The following SLC4A4 variants were observed in gnomAD, a reference collection of about 807,000 sequenced individuals.
The protein encoded by SLC4A4 is electrogenic sodium bicarbonate cotransporter 1.
A neutral mutation model predicts 111.5 loss-of-function variants in SLC4A4; 27 were observed. The observed-to-expected ratio is 0.24, with a 90% CI of 0.18 to 0.33. SLC4A4 has a LOEUF of 0.33. Among genes scored for constraint, SLC4A4 ranks in the 10% least tolerant of loss-of-function variants. SLC4A4 has a pLI of 1.00. For synonymous variants in SLC4A4, 443 were observed against 463.4 expected, an observed-to-expected ratio of 0.96 and a Z score of 0.57; for missense variants, 909 against 1,315.5, an observed-to-expected ratio of 0.69 and a Z score of 4.78.
intron 20 of SLC4A4, among the ~76,000 whole-genome samples, chr4:71,553,338 G>T (rs1416228949): frequency 6.6e-6 from 1 of 151,774 alleles, no homozygotes; most frequent in Non-Finnish European, 1.5e-5. Flanking sequence ...ACAGAGAATG[G>T]AACTAAGCAC....
intron 2 of SLC4A4, among the ~76,000 whole-genome samples, chr4:71,173,410 C>T (rs1312231729): frequency 5.3e-5 from 8 of 152,038 alleles, no homozygotes; most frequent in African/African-American, 1.9e-4. Flanking sequence ...GAAATGGAGT[C>T]TCCTCTGTCA....
intron 2 of SLC4A4, among the ~76,000 whole-genome samples, chr4:71,142,886 T>A (rs1447202762): frequency 6.6e-6 from 1 of 151,668 alleles, no homozygotes; most frequent in Non-Finnish European, 1.5e-5. Context: ...TCCTCCCACC[T>A]TTCCAAAGAA....
Position 71,080,699 on chromosome 4 carries a change from T to C in SLC4A4, c.-64-12031T>C, listed in dbSNP as rs146690374. Reference sequence around the variant, plus strand: ...GTTCTGGGGTGAGTTGTGAGCACTTTTAGACTTGAGGCTAACTCTGGTGAC... The same window carrying C: ...GTTCTGGGGTGAGTTGTGAGCACTTCTAGACTTGAGGCTAACTCTGGTGAC... On this transcript the variant is annotated intron_variant, in intron 1 of 26. Transcript: ENST00000649996. Among the ~76,000 whole-genome samples the C allele has an allele frequency of 7.6e-4, 116 of 152,164 alleles. 1 individual carries two copies. Among genetic ancestry groups the C allele is most frequent in the East Asian group, 6.2e-3 (32 of 5,178 alleles).
chr4:71,180,253 AG>A (rs1745245503), intron 2 of SLC4A4, among the ~76,000 whole-genome samples: 1 of 152,232 alleles, frequency 6.6e-6, no homozygotes, highest in Non-Finnish European at 1.5e-5. Context: ...AAACCCTGGA[AG>A]AAAACCTAGG....
chr4:71,282,078 T>TA (rs374948120), intron 3 of SLC4A4, among the ~76,000 whole-genome samples: 3 of 151,792 alleles, frequency 2.0e-5, no homozygotes, highest in African/African-American at 4.8e-5. Flanking sequence ...TGAACCCTGT[T>TA]AAAAAAAACC....
rs376430741 is a variant in SLC4A4 at position 71,125,926 on chromosome 4, A to G, written c.-2+33134A>G. 7.5e-4 allele frequency among the ~76,000 whole-genome samples: 115 copies of G among 152,346 alleles called. 1 individual carries two copies. In the Middle Eastern group the frequency reaches 0.01, roughly 14 times the overall value. ...AGGAAATACTACAAACACAGGATCC[A>G]AAAAAGTAGCAATATTCTTATAAAT... is the stretch of plus-strand genomic sequence containing the variant. On this transcript the variant is annotated intron_variant, in intron 2 of 26. Transcript: ENST00000649996.
At chr4:71,374,571 CAT>C (rs1578950052) in intron 6 of SLC4A4, among the ~76,000 whole-genome samples, 1 of 152,232 alleles carries the variant, frequency 6.6e-6, no homozygotes, top group African/African-American at 2.4e-5. Flanking sequence ...TTATGAAAAA[CAT>C]ATCATAAATT....
rs201028024 is a variant in SLC4A4, at chr4:71,331,294, C to T, written c.254-8076C>T. ...GACACATGCACACGTATGTTTATTG[C>T]GGCACTATTCGTAATAGCAAAGACT... On this transcript the variant is annotated intron_variant, in intron 3 of 25. Coordinates refer to ENST00000264485, the MANE Select transcript of SLC4A4 (RefSeq NM_001098484.3). Among the ~76,000 whole-genome samples, 40 of 152,208 alleles carry T rather than the reference C, an allele frequency of 2.6e-4. No individual in the cohort carries two copies. In the East Asian group the frequency reaches 3.5e-3, roughly 13 times the overall value.
At chr4:71,135,777 A>G (rs1743828407) in intron 2 of SLC4A4, among the ~76,000 whole-genome samples, 1 of 151,388 alleles carries the variant, frequency 6.6e-6, no homozygotes, top group Non-Finnish European at 1.5e-5. Flanking sequence ...TTTTGCTTTT[A>G]TGAGTTCACC....
intron 11 of SLC4A4, among the ~76,000 whole-genome samples, chr4:71,452,270 C>T (rs1725841515): frequency 6.6e-6 from 1 of 152,164 alleles, no homozygotes; most frequent in Non-Finnish European, 1.5e-5. Flanking sequence ...CTTCTCTCCT[C>T]TCCTCCCCTA....
intron 3 of SLC4A4, among the ~76,000 whole-genome samples, chr4:71,323,628 T>G (rs1476408554): frequency 1.3e-5 from 2 of 152,068 alleles, no homozygotes; most frequent in East Asian, 3.9e-4. Flanking sequence ...TTTTGAGTCC[T>G]CACTTAGCTT....
At chr4:71,317,075 C>CGTGT (rs3039073) in intron 3 of SLC4A4, among the ~76,000 whole-genome samples, 1,656 of 147,590 alleles carry the variant, frequency 0.011, 39 homozygotes, top group African/African-American at 0.039. Flanking sequence ...TGTGTGTGTG[C>CGTGT]GTGTGTGTGT....
At chr4:71,471,906 A>T (rs1008313385) in intron 13 of SLC4A4, among the ~76,000 whole-genome samples, 3 of 151,928 alleles carry the variant, frequency 2.0e-5, no homozygotes, top group Non-Finnish European at 4.4e-5. Flanking sequence ...CAGCAGAAGA[A>T]TATCAGATCT....
At chr4:71,500,024 G>A (rs1278940521) in intron 16 of SLC4A4, among the ~76,000 whole-genome samples, 2 of 152,134 alleles carry the variant, frequency 1.3e-5, no homozygotes, top group Non-Finnish European at 2.9e-5. Context: ...TGTAATGGCT[G>A]TTCTAATTTA....
chr4:71,501,317 A>AT (rs961569706), intron 16 of SLC4A4, among the ~76,000 whole-genome samples: 3 of 151,848 alleles, frequency 2.0e-5, no homozygotes, highest in African/African-American at 7.3e-5. Context: ...ACTTTACTTA[A>AT]TTTTTTTATT....
intron 5 of SLC4A4, among the ~76,000 whole-genome samples, chr4:71,350,855 C>T (rs1729767876): frequency 6.6e-6 from 1 of 152,142 alleles, no homozygotes; most frequent in South Asian, 2.1e-4. Context: ...AGGGTAGGCA[C>T]ACTGCAGACC....
Position 71,567,088 on chromosome 4 carries a change from A to T in SLC4A4, c.*36+5A>T, listed in dbSNP as rs1737549178. The T allele has an allele frequency of 6.2e-7, 1 of 1,602,768 alleles. No homozygotes were observed. The highest frequency in any genetic ancestry group is 1.3e-5 in the African/African-American group (1 of 74,488). On this transcript the variant is annotated splice_donor_5th_base_variant and intron_variant, in intron 25 of 25. Transcript: ENST00000264485. ...TCAGTCACTCGGTATGCCAAGGTAAAGGAGAGCCCAGTATTTTATGTTTTT... is the reference window on the plus strand; with the variant it reads ...TCAGTCACTCGGTATGCCAAGGTAATGGAGAGCCCAGTATTTTATGTTTTT...
chr4:71,406,645 CTT>C (rs58765854), intron 7 of SLC4A4, among the ~76,000 whole-genome samples: 24 of 140,192 alleles, frequency 1.7e-4, no homozygotes, highest in East Asian at 2.1e-4. Context: ...AACAATGATT[CTT>C]TTTTTTTTTT....
chr4:71,299,268 G>A (rs1259662580), intron 3 of SLC4A4, among the ~76,000 whole-genome samples: 1 of 152,214 alleles, frequency 6.6e-6, no homozygotes, highest in Non-Finnish European at 1.5e-5. Flanking sequence ...GAAATGAGTA[G>A]CACTTTTGTG....
Sources: allele counts gnomAD v4.1 joint callset (sites outside exome capture counted in the v4.1 genomes callset), GRCh38; gene constraint gnomAD v4.1.1; transcripts MANE v1.5; gene names NCBI Gene and HGNC (gene_info 2026-07-23, HGNC 2026-07-21).